Variants in AK9 observed in about 807,000 individuals in gnomAD.
The protein encoded by AK9 is adenylate kinase 9.
Under a neutral mutation model 239.6 loss-of-function variants are expected in AK9, and 191 were observed. That is an observed-to-expected ratio of 0.80 (90% CI 0.71 to 0.90). The LOEUF is 0.90. AK9 is among the 40% of genes least tolerant of loss of function. The pLI, the probability that AK9 is intolerant of heterozygous loss-of-function variation, is 0.00. For missense variants in AK9, 1,995 were observed against 2,214.7 expected (o/e 0.90, Z 1.99); for synonymous variants, 689 against 721.0 (o/e 0.96, Z 0.71).
rs184506518 is a variant in AK9 at position 109,597,629 on chromosome 6, C to T, written c.1843-11557G>A. 2.9e-3 allele frequency among the ~76,000 whole-genome samples: 435 copies of T among 152,032 alleles called. 1 individual carries two copies. The highest frequency in any genetic ancestry group is 0.014 in the Middle Eastern group (4 of 292). On this transcript the variant is annotated intron_variant, in intron 17 of 40. Coordinates refer to ENST00000424296, the MANE Select transcript of AK9 (RefSeq NM_001145128.3). ...CGGAGCTTGCAGTGAGCCGAGATGG[C>T]GCCACTGCATTCCAGCCTGGGGGAC...
intron 12 of AK9, among the ~76,000 whole-genome samples, chr6:109,625,554 C>A (rs1219198641): frequency 6.6e-6 from 1 of 152,188 alleles, no homozygotes; most frequent in African/African-American, 2.4e-5. Context: ...GCATTAGATT[C>A]TCATAGGAGC....
intron 2 of AK9, among the ~76,000 whole-genome samples, chr6:109,675,012 T>C (rs1006681650): frequency 5.3e-5 from 8 of 152,196 alleles, no homozygotes; most frequent in African/African-American, 1.9e-4. Flanking sequence ...TTTGGTGTCT[T>C]TCTGATTTGT....
At chr6:109,574,056 T>C (rs1277793886) in intron 20 of AK9, among the ~76,000 whole-genome samples, 2 of 152,196 alleles carry the variant, frequency 1.3e-5, no homozygotes, top group East Asian at 3.8e-4. Context: ...ATATAAAATA[T>C]GTGACTTTTA....
chr6:109,564,104 GAAGT>G lies in AK9; in HGVS notation c.2607_2610del (p.Leu869PhefsTer4), dbSNP rs1274203269. 1 of 1,550,676 alleles carries G rather than the reference GAAGT, an allele frequency of 6.4e-7. No homozygotes were observed. The highest frequency in any genetic ancestry group is 1.2e-5 in the South Asian group (1 of 83,900). ...CTTTCCATAGTCTCAACTACTTTTT[GAAGT>G]AATTCCTGTGGAGTTCTGTCAGCAA... On this transcript the variant is annotated frameshift_variant, in exon 23 of 41. Coordinates refer to ENST00000424296, the MANE Select transcript of AK9 (RefSeq NM_001145128.3). LOFTEE classifies it high-confidence loss of function.
chr6:109,633,310 C>A lies in AK9; in HGVS notation c.947G>T (p.Arg316Leu), dbSNP rs193016763. ...AATAAGTTTATAAGATGCAAGAGTA[C>A]GAAATAGCTCATCCTGTGAATTGCA... The part of the protein sequence containing the change: ...NDTMENDELF[R>L]TLASYKLIAP... Residue 316 changes from arginine to leucine, a missense_variant, in exon 11 of 41, where the codon CGT becomes CTT. By Grantham distance (102) the Arg-to-Leu change is moderately radical. Transcript: ENST00000424296. The A allele has an allele frequency of 6.3e-7, 1 of 1,598,430 alleles. No individual in the cohort carries two copies. Among genetic ancestry groups the A allele is most frequent in the African/African-American group, 1.3e-5 (1 of 74,392 alleles).
intron 13 of AK9, among the ~76,000 whole-genome samples, chr6:109,616,072 GC>G (rs1794159211): frequency 1.3e-5 from 2 of 151,432 alleles, no homozygotes; most frequent in Admixed American, 1.3e-4. Context: ...CCCTGTCTCT[GC>G]CAGAAAAAAA....
At chr6:109,500,984 G>C (rs1405964000) in intron 35 of AK9, among the ~76,000 whole-genome samples, 1 of 138,708 alleles carries the variant, frequency 7.2e-6, no homozygotes, top group Non-Finnish European at 1.6e-5. Context: ...TCCAGGCTGG[G>C]CAACAGAGTG....
At chr6:109,605,046 A>G (rs1266134380) in intron 17 of AK9, among the ~76,000 whole-genome samples, 1 of 152,230 alleles carries the variant, frequency 6.6e-6, no homozygotes, top group African/African-American at 2.4e-5. Flanking sequence ...AATAGTATCA[A>G]CTGAAATAAT....
intron 27 of AK9, among the ~76,000 whole-genome samples, chr6:109,540,391 A>G (rs1368965864): frequency 6.6e-6 from 1 of 152,140 alleles, no homozygotes; most frequent in Non-Finnish European, 1.5e-5. Flanking sequence ...TGGGTGTGGG[A>G]CCCTCTGAGT....
chr6:109,629,416 T>C (rs1220591779), intron 12 of AK9, among the ~76,000 whole-genome samples: 1 of 152,158 alleles, frequency 6.6e-6, no homozygotes, highest in Non-Finnish European at 1.5e-5. Context: ...TTATTGGTGA[T>C]ACACATTTGT....
At chr6:109,557,595 G>A in intron 24 of AK9, among the ~76,000 whole-genome samples, 1 of 152,168 alleles carries the variant, frequency 6.6e-6, no homozygotes, top group East Asian at 1.9e-4. Flanking sequence ...CAAGAGGAGA[G>A]GCTAAGTCTG....
intron 5 of AK9, among the ~76,000 whole-genome samples, chr6:109,665,931 G>A (rs1278928247): frequency 6.6e-6 from 1 of 152,184 alleles, no homozygotes; most frequent in Non-Finnish European, 1.5e-5. Context: ...GCCACTGCCT[G>A]GAGAGCTTGT....
chr6:109,547,750 G>C (rs1433458679), intron 25 of AK9, among the ~76,000 whole-genome samples: 1 of 149,644 alleles, frequency 6.7e-6, no homozygotes, highest in Non-Finnish European at 1.5e-5. Context: ...ACATAGTAAA[G>C]AGACAACCTA....
chr6:109,528,484 TA>T (rs1314874830), intron 29 of AK9: 3 of 446,446 alleles, frequency 6.7e-6, no homozygotes, highest in Non-Finnish European at 1.4e-5. Context: ...GGAGGGTTCT[TA>T]TTCTTACATG....
intron 28 of AK9, 56 bp downstream of exon 28, chr6:109,533,195 G>T: frequency 7.4e-7 from 1 of 1,358,848 alleles, no homozygotes; most frequent in African/African-American, 1.5e-5. Flanking sequence ...CTTTATAATA[G>T]ATCACTAAAC....
chr6:109,581,185 C>T (rs1788814651), intron 19 of AK9, among the ~76,000 whole-genome samples: 1 of 152,000 alleles, frequency 6.6e-6, no homozygotes, highest in Admixed American at 6.6e-5. Context: ...CTCTAAGACA[C>T]AATACTATTG....
At chr6:109,591,021 G>A (rs955303045) in intron 17 of AK9, among the ~76,000 whole-genome samples, 1 of 152,152 alleles carries the variant, frequency 6.6e-6, no homozygotes, top group Non-Finnish European at 1.5e-5. Context: ...TTCTGTAAAT[G>A]TCTGTTAGGT....
chr6:109,649,362 TCTC>T (rs1419494889), intron 8 of AK9, among the ~76,000 whole-genome samples: 3 of 151,864 alleles, frequency 2.0e-5, no homozygotes, highest in Non-Finnish European at 4.4e-5. Flanking sequence ...CAGCCCAAAA[TCTC>T]CTCAAGCTGA....
At chr6:109,630,710 T>C (rs1156817714) in intron 12 of AK9, among the ~76,000 whole-genome samples, 2 of 151,916 alleles carry the variant, frequency 1.3e-5, no homozygotes, top group East Asian at 3.9e-4. Flanking sequence ...CCAGGCATGG[T>C]GGTGTGCATC....
Sources: gnomAD v4.1 joint callset for allele counts (sites outside exome capture counted in the v4.1 genomes callset) on GRCh38, gnomAD v4.1.1 for gene constraint, MANE v1.5 for transcripts, NCBI Gene and HGNC (gene_info 2026-07-23, HGNC 2026-07-21) for gene names.